CLYBL: variants seen among roughly 807,000 people sequenced by gnomAD.
CLYBL encodes the protein citramalyl-CoA lyase.
A neutral mutation model predicts 38.9 loss-of-function variants in CLYBL; 31 were observed. That is an observed-to-expected ratio of 0.80 (90% CI 0.60 to 1.08). CLYBL has a LOEUF of 1.08. CLYBL is among the 50% of genes least tolerant of loss of function. The pLI, the probability that CLYBL is intolerant of heterozygous loss-of-function variation, is 0.00. For missense variants in CLYBL, 434 were observed against 411.6 expected, an observed-to-expected ratio of 1.05 and a Z score of -0.47; for synonymous variants, 171 against 158.6, an observed-to-expected ratio of 1.08 and a Z score of -0.59.
intron 1 of CLYBL, among the ~76,000 whole-genome samples, chr13:99,647,650 G>A (rs529432061): frequency 7.2e-5 from 11 of 152,282 alleles, no homozygotes; most frequent in South Asian, 6.2e-4. Context: ...TTTTCCACTC[G>A]AGTGTTTTTC....
At chr13:99,726,411 G>A (rs2048472841) in intron 1 of CLYBL, 1 of 152,222 alleles carries the variant, frequency 6.6e-6, no homozygotes, top group African/African-American at 2.4e-5. Flanking sequence ...TGGGGTCGGT[G>A]TGTTCTTTCT....
Position 99,784,449 on chromosome 13 carries a change from C to CT in CLYBL, c.249+11462dup, listed in dbSNP as rs772465561. ...TTCCTCTGCTTCTGGAAAATTCTCT[C>CT]TTTTTTTTTTTTTTTTTTTTTTTGA... is the stretch of plus-strand genomic sequence containing the variant. On this transcript the variant is annotated intron_variant, in intron 2 of 8. Transcript: ENST00000339105. 8.2e-3 allele frequency among the ~76,000 whole-genome samples: 425 copies of CT among 52,100 alleles called. 4 individuals carry two copies. The highest frequency in any genetic ancestry group is 0.036 in the South Asian group (35 of 984). 34.2% of individuals were successfully genotyped at this position (52,100 alleles called of 152,430 possible). A position where few individuals can be genotyped will look rare whatever the true frequency, so the allele number is the denominator to read the frequency against.
chr13:99,748,993 A>T (rs1435407470), intron 1 of CLYBL, among the ~76,000 whole-genome samples: 2 of 152,006 alleles, frequency 1.3e-5, no homozygotes, highest in Admixed American at 1.3e-4. Context: ...AGCCTGGACC[A>T]CATGGTGAAA....
At chr13:99,681,598 T>A (rs972361669) in intron 1 of CLYBL, among the ~76,000 whole-genome samples, 44 of 152,122 alleles carry the variant, frequency 2.9e-4, no homozygotes, top group Non-Finnish European at 1.0e-4. Flanking sequence ...TTATTTTTAT[T>A]TTTTTTGAGA....
chr13:99,745,127 C>A (rs778590126), intron 1 of CLYBL, among the ~76,000 whole-genome samples: 3 of 152,224 alleles, frequency 2.0e-5, no homozygotes, highest in Non-Finnish European at 4.4e-5. Flanking sequence ...AAGTCAGCTA[C>A]CAAATTCAAA....
In CLYBL at chr13:99,831,528, A is replaced by C. The variant is rs1344238368; in HGVS notation, c.250-27333A>C. On this transcript the variant is annotated intron_variant, in intron 2 of 8. Coordinates refer to ENST00000339105, the MANE Select transcript of CLYBL (RefSeq NM_206808.5). Reference sequence around the variant, plus strand: ...ATGTTTACCTATGCAACAAACCTGCACATATATCCCGGAACTTAAAATAAA... The same window carrying C: ...ATGTTTACCTATGCAACAAACCTGCCCATATATCCCGGAACTTAAAATAAA... 2.0e-5 allele frequency among the ~76,000 whole-genome samples: 3 copies of C among 152,198 alleles called. No homozygotes were observed. In the East Asian group the frequency reaches 5.8e-4, roughly 29 times the overall value.
rs1489748166 is a variant in CLYBL, at chr13:99,859,018, C to G, written c.407C>G (p.Pro136Arg). 20 of 1,613,552 alleles carry G rather than the reference C, an allele frequency of 1.2e-5. No homozygotes were observed. The highest frequency in any genetic ancestry group is 1.7e-5 in the Non-Finnish European group (20 of 1,179,898). Reference sequence around the variant, plus strand: ...GTCCTTCCTTCCAGCCTGATGCTACCAAAGGTGGAAAGTCCTGAAGAAATC... The same window carrying G: ...GTCCTTCCTTCCAGCCTGATGCTACGAAAGGTGGAAAGTCCTGAAGAAATC... ...SRVLPSSLML[P>R]KVESPEEIQW... is the part of the protein sequence containing the mutation. Residue 136 changes from proline (P) to arginine (R), a missense_variant, in exon 3 of 9, where the codon CCA (proline) becomes CGA (arginine). Physicochemically the swap from Pro to Arg is moderately radical, Grantham distance 103 (BLOSUM62 -2). Transcript: ENST00000339105.
intron 7 of CLYBL, among the ~76,000 whole-genome samples, chr13:99,888,373 A>T (rs563144395): frequency 6.6e-6 from 1 of 152,362 alleles, no homozygotes; most frequent in African/African-American, 2.4e-5. Flanking sequence ...TAATGTATGT[A>T]AAGTGCCAGG....
chr13:99,801,605 C>A (rs1004663093), intron 2 of CLYBL, among the ~76,000 whole-genome samples: 2 of 152,232 alleles, frequency 1.3e-5, no homozygotes, highest in African/African-American at 4.8e-5. Context: ...CTACCAAATT[C>A]TGTGTGGCTA....
At chr13:99,829,863 A>C (rs760156149) in intron 2 of CLYBL, among the ~76,000 whole-genome samples, 2 of 152,232 alleles carry the variant, frequency 1.3e-5, no homozygotes, top group Non-Finnish European at 2.9e-5. Context: ...GTGAGAGCGG[A>C]GAGCCTGTCT....
Position 99,606,722 on chromosome 13 carries a change from G to GGC in CLYBL, c.33_34dup (p.Gly12AlafsTer9), listed in dbSNP as rs2046527202. ...TGGCGCTACGTCTGCTGCGGAGGGC[G>GGC]GCGCGCGGAGCTGCGGCGGCGGCGC... On this transcript the variant is annotated frameshift_variant, in exon 1 of 9. Coordinates refer to ENST00000339105, the MANE Select transcript of CLYBL (RefSeq NM_206808.5). LOFTEE classifies it high-confidence loss of function. 11 of 1,491,654 alleles carry GGC rather than the reference G, an allele frequency of 7.4e-6. No individual in the cohort carries two copies. The East Asian group carries it at 3.2e-4, about 43-fold the overall frequency. 92.4% of individuals were successfully genotyped at this position (1,491,654 alleles called of 1,614,324 possible). A position where few individuals can be genotyped will look rare whatever the true frequency, so the allele number is the denominator to read the frequency against.
intron 1 of CLYBL, among the ~76,000 whole-genome samples, chr13:99,678,242 G>A (rs904563014): frequency 2.0e-5 from 3 of 152,130 alleles, no homozygotes; most frequent in African/African-American, 4.8e-5. Context: ...TCTGCACTGC[G>A]GCAGAGTTGT....
At chr13:99,744,004 G>A (rs1170441806) in intron 1 of CLYBL, among the ~76,000 whole-genome samples, 4 of 115,056 alleles carry the variant, frequency 3.5e-5, no homozygotes, top group South Asian at 2.6e-4. Context: ...ACGGAGTTTC[G>A]CTCTGTCACC....
Position 99,865,264 on chromosome 13 carries a change from T to TATCA in CLYBL, c.634+354_634+357dup. ...CCGTTGCTTCAGTATTTTGTTTTCA[T>TATCA]ATCAGTCTGTGGGCTGTCTAGATTT... On this transcript the variant is annotated intron_variant, in intron 5 of 8. Transcript: ENST00000339105. The surrounding 1 kb of genome is among the most constrained non-coding windows in gnomAD (Gnocchi z 4.7). The TATCA allele has an allele frequency of 3.0e-6, 1 of 334,024 alleles. No individual in the cohort carries two copies. Among genetic ancestry groups the TATCA allele is most frequent in the Admixed American group, 4.1e-5 (1 of 24,188 alleles). The allele number at this position is 334,024 out of a possible 1,614,324, so 20.7% of individuals were successfully genotyped here. A position where few individuals can be genotyped will look rare whatever the true frequency, so the allele number is the denominator to read the frequency against.
At chr13:99,902,855 A>T (rs989503672) in intron 8 of CLYBL, among the ~76,000 whole-genome samples, 2 of 152,212 alleles carry the variant, frequency 1.3e-5, no homozygotes, top group African/African-American at 2.4e-5. Flanking sequence ...GACTTAATTT[A>T]ATTATTGTAT....
chr13:99,880,687 TTC>T (rs2052181641), intron 7 of CLYBL, among the ~76,000 whole-genome samples: 1 of 152,194 alleles, frequency 6.6e-6, no homozygotes, highest in Non-Finnish European at 1.5e-5. Context: ...AGTGTCCTGT[TTC>T]TGTGTGGAGA....
chr13:99,637,839 T>A lies in CLYBL; in HGVS notation c.62+31082T>A, dbSNP rs183529784. On this transcript the variant is annotated intron_variant, in intron 1 of 8. Coordinates refer to ENST00000339105, the MANE Select transcript of CLYBL (RefSeq NM_206808.5). ...TGATGTCTGTGTGTATCCGTATACA[T>A]ACATCCATTCATATTTCTGAAAAGC... 4.1e-4 allele frequency among the ~76,000 whole-genome samples: 62 copies of A among 152,292 alleles called. No individual in the cohort carries two copies. In the East Asian group the frequency reaches 9.6e-3, roughly 24 times the overall value.
Position 99,739,634 on chromosome 13 carries a change from A to G in CLYBL, c.63-33190A>G, listed in dbSNP as rs77744938. Reference sequence around the variant, plus strand: ...GGAAATCCCTTTAGTATTCTACATGATAATTCAGAGCAATTAATTCCATTC... The same window carrying G: ...GGAAATCCCTTTAGTATTCTACATGGTAATTCAGAGCAATTAATTCCATTC... On this transcript the variant is annotated intron_variant, in intron 1 of 8. Transcript: ENST00000339105. Among the ~76,000 whole-genome samples, 1,133 of 152,358 alleles carry G rather than the reference A, an allele frequency of 7.4e-3. 18 individuals carry two copies. Among genetic ancestry groups the G allele is most frequent in the African/African-American group, 0.026 (1,086 of 41,584 alleles).
At chr13:99,677,193 G>T (rs191213644) in intron 1 of CLYBL, among the ~76,000 whole-genome samples, 3 of 152,240 alleles carry the variant, frequency 2.0e-5, no homozygotes, top group African/African-American at 7.2e-5. Context: ...CTGCATTGGC[G>T]TATTGAAAAG....
Sources: allele counts gnomAD v4.1 joint callset (sites outside exome capture counted in the v4.1 genomes callset), GRCh38; gene constraint gnomAD v4.1.1; non-coding constraint Gnocchi (gnomAD v3.1); transcripts MANE v1.5; gene names NCBI Gene and HGNC (gene_info 2026-07-23, HGNC 2026-07-21).